ICA1: variants seen among roughly 807,000 people sequenced by gnomAD.
ICA1 encodes the protein 69 kDa islet cell autoantigen.
In ICA1, 40 loss-of-function variants were observed where a neutral mutation model predicts 71.0. The observed-to-expected ratio is 0.56, with a 90% CI of 0.44 to 0.73. The LOEUF (loss-of-function observed/expected upper bound fraction) is 0.73. Ranked by LOEUF, ICA1 falls within the 30% of genes least tolerant of loss-of-function variation. The pLI is 0.00. For synonymous variants in ICA1, 207 were observed against 209.5 expected (o/e 0.99, Z 0.10); for missense variants, 578 against 576.5 (o/e 1.00, Z -0.03).
chr7:8,248,421 C>G (rs1198872528), intron 1 of ICA1, among the ~76,000 whole-genome samples: 1 of 152,074 alleles, frequency 6.6e-6, no homozygotes, highest in African/African-American at 2.4e-5. Flanking sequence ...TTTTTTCCCC[C>G]ATAAGAAATA....
intron 6 of ICA1, among the ~76,000 whole-genome samples, chr7:8,210,572 T>C (rs1451865129): frequency 6.6e-6 from 1 of 152,106 alleles, no homozygotes; most frequent in East Asian, 1.9e-4. Context: ...GCCTATCCAT[T>C]TATAAACGCA....
intron 1 of ICA1, among the ~76,000 whole-genome samples, chr7:8,258,516 T>C (rs1811052830): frequency 6.6e-6 from 1 of 152,186 alleles, no homozygotes; most frequent in Non-Finnish European, 1.5e-5. Context: ...CACTGGGGTG[T>C]ATGCTTCACC....
intron 6 of ICA1, among the ~76,000 whole-genome samples, chr7:8,171,162 G>T (rs58035078): frequency 6.6e-6 from 1 of 151,710 alleles, no homozygotes; most frequent in Admixed American, 6.6e-5. Context: ...CTCATAAAAT[G>T]AACTGGGAAG....
At chr7:8,216,058 C>A (rs1392846328) in intron 6 of ICA1, among the ~76,000 whole-genome samples, 1 of 152,346 alleles carries the variant, frequency 6.6e-6, no homozygotes, top group East Asian at 1.9e-4. Flanking sequence ...GCAAGCCTCA[C>A]ATTAATAACG....
chr7:8,136,276 G>A (rs1793380320), intron 12 of ICA1, among the ~76,000 whole-genome samples: 2 of 152,174 alleles, frequency 1.3e-5, no homozygotes, highest in South Asian at 2.1e-4. Context: ...GGAGTGAACC[G>A]GCCCCCAAGC....
chr7:8,226,784 G>A lies in ICA1; in HGVS notation c.256+1817C>T, dbSNP rs1036905932. Among the ~76,000 whole-genome samples, 1 of 152,156 alleles carries A rather than the reference G, an allele frequency of 6.6e-6. No individual in the cohort carries two copies. The highest frequency in any genetic ancestry group is 1.5e-5 in the Non-Finnish European group (1 of 68,026). On this transcript the variant is annotated intron_variant, in intron 4 of 13. Coordinates refer to ENST00000402384, the MANE Select transcript of ICA1 (RefSeq NM_001136020.3). This position sits in a 1 kb window ranked among gnomAD's most constrained non-coding sequence, Gnocchi z 4.4. ...GGCACAACCAGGTGACTGCTTCAAC[G>A]GTGGGGACATTATTCTAACCCTTTA...
At chr7:8,196,210 T>C (rs1335689151) in intron 6 of ICA1, among the ~76,000 whole-genome samples, 2 of 152,134 alleles carry the variant, frequency 1.3e-5, no homozygotes, top group South Asian at 2.1e-4. Flanking sequence ...TGAAAAGATA[T>C]GGAGAAATTT....
At chr7:8,170,507 AC>A (rs1365171980) in intron 6 of ICA1, among the ~76,000 whole-genome samples, 1 of 151,870 alleles carries the variant, frequency 6.6e-6, no homozygotes, top group Non-Finnish European at 1.5e-5. Flanking sequence ...TTGTCTTGGC[AC>A]TTTTTGGGTA....
chr7:8,235,826 G>A (rs1000919249), intron 2 of ICA1, 84 bp downstream of exon 2: 7 of 1,412,398 alleles, frequency 5.0e-6, no homozygotes, highest in Non-Finnish European at 7.0e-6. Flanking sequence ...TGTATCTCTT[G>A]TTTTTCCATT....
chr7:8,245,408 G>T (rs1428293466), intron 1 of ICA1, among the ~76,000 whole-genome samples: 1 of 125,466 alleles, frequency 8.0e-6, no homozygotes, highest in African/African-American at 3.0e-5. Context: ...GGGGCCTGTT[G>T]TGGGGTGGGG....
At chr7:8,215,468 G>A (rs755447535) in intron 6 of ICA1, among the ~76,000 whole-genome samples, 2 of 151,726 alleles carry the variant, frequency 1.3e-5, no homozygotes, top group Admixed American at 6.6e-5. Flanking sequence ...TTCACCATGC[G>A]CCACCACAGA....
At chr7:8,172,139 C>T (rs369311490) in intron 6 of ICA1, among the ~76,000 whole-genome samples, 1 of 151,958 alleles carries the variant, frequency 6.6e-6, no homozygotes, top group Non-Finnish European at 1.5e-5. Context: ...CTTCTATATC[C>T]TTATTGATTT....
intron 6 of ICA1, among the ~76,000 whole-genome samples, chr7:8,205,637 T>C (rs1253614030): frequency 6.6e-6 from 1 of 152,220 alleles, no homozygotes; most frequent in Non-Finnish European, 1.5e-5. Flanking sequence ...TTTATGGCAA[T>C]TGATACTACT....
At chr7:8,140,304 T>C (rs1178344671) in intron 10 of ICA1, among the ~76,000 whole-genome samples, 2 of 152,148 alleles carry the variant, frequency 1.3e-5, no homozygotes, top group Non-Finnish European at 2.9e-5. Context: ...GCTCCCTTTC[T>C]CCTCCTGCCA....
chr7:8,184,902 C>T (rs568353477), intron 6 of ICA1, among the ~76,000 whole-genome samples: 18 of 152,086 alleles, frequency 1.2e-4, no homozygotes, highest in African/African-American at 2.4e-4. Context: ...TGGTGAAACC[C>T]CATCTTTATT....
In ICA1 at chr7:8,145,746, G is replaced by GTATATATATATATATATATA. The variant is rs199855161; in HGVS notation, c.805-1775_805-1774insTATATATATATATATATATA. ...CACTACTTGTATGATTGGAATCATT[G>GTATATATATATATATATATA]TGTATATATATATATATATATGTAT... On this transcript the variant is annotated intron_variant, in intron 8 of 13. Transcript: ENST00000402384. Among the ~76,000 whole-genome samples, 54 of 33,494 alleles carry GTATATATATATATATATATA rather than the reference G, an allele frequency of 1.6e-3. 1 individual carries two copies. Among genetic ancestry groups the GTATATATATATATATATATA allele is most frequent in the African/African-American group, 2.6e-3 (51 of 19,440 alleles). The allele number at this position is 33,494 out of a possible 152,430, so 22.0% of individuals were successfully genotyped here.
At chr7:8,152,920 C>T (rs1048287070) in intron 8 of ICA1, among the ~76,000 whole-genome samples, 3 of 151,830 alleles carry the variant, frequency 2.0e-5, no homozygotes, top group Non-Finnish European at 2.9e-5. Context: ...ATCACCACTA[C>T]CCCCACCACT....
At chr7:8,171,202 A>T (rs940491850) in intron 6 of ICA1, among the ~76,000 whole-genome samples, 1 of 145,700 alleles carries the variant, frequency 6.9e-6, no homozygotes, top group African/African-American at 2.4e-5. Context: ...TTTTTGGAAG[A>T]GTTTATGTAA....
At chr7:8,172,553 A>G (rs1480470630) in intron 6 of ICA1, among the ~76,000 whole-genome samples, 2 of 152,154 alleles carry the variant, frequency 1.3e-5, no homozygotes. Flanking sequence ...CTCCATTTAT[A>G]TCTATAGAGA....
Sources: allele counts gnomAD v4.1 joint callset (sites outside exome capture counted in the v4.1 genomes callset), GRCh38; gene constraint gnomAD v4.1.1; non-coding constraint Gnocchi (gnomAD v3.1); transcripts MANE v1.5; gene names NCBI Gene and HGNC (gene_info 2026-07-23, HGNC 2026-07-21).